Variants in SLC38A12 observed in about 807,000 individuals in gnomAD.
SLC38A12 encodes the protein solute carrier family 38 member 12.
chr17:74,785,220 A>G, the SLC38A12 span, among the ~76,000 whole-genome samples: 1 of 152,216 alleles, frequency 6.6e-6, no homozygotes, highest in Non-Finnish European at 1.5e-5. Flanking sequence ...GGGGACGGCA[A>G]TGATGACAGC....
At chr17:74,785,899 T>A in the SLC38A12 span, among the ~76,000 whole-genome samples, 3 of 152,216 alleles carry the variant, frequency 2.0e-5, no homozygotes, top group African/African-American at 4.8e-5. Flanking sequence ...CAGGTTTACC[T>A]CCCTGCTATT....
At chr17:74,777,848 A>G in the SLC38A12 span, 3 of 356,406 alleles carry the variant, frequency 8.4e-6, no homozygotes, top group South Asian at 6.2e-5. Flanking sequence ...CGGGAGGCGG[A>G]CGTTGCAGTG....
At chr17:74,839,459 G>A in the SLC38A12 span, 2 of 246,418 alleles carry the variant, frequency 8.1e-6, no homozygotes, top group East Asian at 9.4e-5. Flanking sequence ...CCATGGTTAA[G>A]GGCCACTGGA....
At chr17:74,789,261 G>A in the SLC38A12 span, among the ~76,000 whole-genome samples, 2 of 152,092 alleles carry the variant, frequency 1.3e-5, no homozygotes, top group African/African-American at 4.8e-5. Flanking sequence ...CCGGTGGGGG[G>A]GCTCACACCT....
chr17:74,800,474 G>A, the SLC38A12 span, among the ~76,000 whole-genome samples: 5 of 152,380 alleles, frequency 3.3e-5, no homozygotes, highest in Non-Finnish European at 5.9e-5. Flanking sequence ...TTCTTCTAGC[G>A]TCAGCCACTG....
At chr17:74,821,266 G>A in the SLC38A12 span, among the ~76,000 whole-genome samples, 2 of 152,344 alleles carry the variant, frequency 1.3e-5, no homozygotes, top group Non-Finnish European at 2.9e-5. Context: ...CACATCATCT[G>A]GGCCTAGCCC....
the SLC38A12 span, among the ~76,000 whole-genome samples, chr17:74,829,472 C>T: frequency 2.6e-5 from 4 of 152,046 alleles, no homozygotes; most frequent in Non-Finnish European, 4.4e-5. This position sits in a 1 kb window ranked among gnomAD's most constrained non-coding sequence, Gnocchi z 4.1. Flanking sequence ...TCAGGAGCCT[C>T]GGCCTCGTGT....
chr17:74,817,505 A>G, the SLC38A12 span, among the ~76,000 whole-genome samples: 2 of 152,270 alleles, frequency 1.3e-5, no homozygotes, highest in East Asian at 3.9e-4. Flanking sequence ...CGACTCCTCT[A>G]GATTCATATT....
At chr17:74,818,247 C>T in the SLC38A12 span, among the ~76,000 whole-genome samples, 8 of 152,148 alleles carry the variant, frequency 5.3e-5, no homozygotes, top group African/African-American at 1.9e-4. Flanking sequence ...TTCCCCTGCC[C>T]AGCCCCATCC....
At chr17:74,806,388 G>A in the SLC38A12 span, among the ~76,000 whole-genome samples, 1 of 152,146 alleles carries the variant, frequency 6.6e-6, no homozygotes, top group African/African-American at 2.4e-5. Context: ...GGAGAATAAT[G>A]CCGTGCACCC....
chr17:74,802,303 TGA>T, the SLC38A12 span, among the ~76,000 whole-genome samples: 2 of 152,152 alleles, frequency 1.3e-5, no homozygotes, highest in Non-Finnish European at 2.9e-5. Context: ...ATGCGCCAGT[TGA>T]GAGGATGATG....
the SLC38A12 span, among the ~76,000 whole-genome samples, chr17:74,807,968 A>G: frequency 1.3e-5 from 2 of 152,274 alleles, no homozygotes; most frequent in African/African-American, 2.4e-5. Context: ...GCTGTCCTCT[A>G]TAAACCCTGA....
the SLC38A12 span, among the ~76,000 whole-genome samples, chr17:74,829,185 G>A: frequency 2.6e-5 from 4 of 151,958 alleles, no homozygotes; most frequent in South Asian, 2.1e-4. The surrounding 1 kb of genome is among the most constrained non-coding windows in gnomAD (Gnocchi z 4.1). Flanking sequence ...GTGCAGTGGC[G>A]CGATCTCAGC....
At chr17:74,801,734 A>C in the SLC38A12 span, among the ~76,000 whole-genome samples, 1 of 152,180 alleles carries the variant, frequency 6.6e-6, no homozygotes, top group Non-Finnish European at 1.5e-5. Flanking sequence ...TCAAAGGATT[A>C]GCTTGTCTCT....
At chr17:74,800,114 G>GT in the SLC38A12 span, among the ~76,000 whole-genome samples, 3 of 152,250 alleles carry the variant, frequency 2.0e-5, no homozygotes, top group African/African-American at 7.2e-5. Context: ...TCTCAGCTCT[G>GT]TCCTGCCCTG....
chr17:74,806,834 A>G, the SLC38A12 span, among the ~76,000 whole-genome samples: 24 of 151,776 alleles, frequency 1.6e-4, no homozygotes, highest in African/African-American at 5.8e-4. Flanking sequence ...CCTTTTAAAA[A>G]CCTCATCATG....
the SLC38A12 span, chr17:74,794,964 G>A: frequency 6.9e-7 from 1 of 1,451,540 alleles, no homozygotes; most frequent in African/African-American, 1.4e-5. Context: ...AAAAAAACAT[G>A]CAGACATCTC....
the SLC38A12 span, among the ~76,000 whole-genome samples, chr17:74,778,754 T>C: frequency 6.8e-6 from 1 of 147,438 alleles, no homozygotes. Context: ...GTTCAACCTC[T>C]GCCTCCCAGG....
the SLC38A12 span, chr17:74,791,018 T>A: frequency 2.5e-6 from 4 of 1,613,910 alleles, no homozygotes; most frequent in East Asian, 8.9e-5. Context: ...ACAAATGGCC[T>A]CCATGTTCTT....
Sources: allele counts gnomAD v4.1 joint callset (sites outside exome capture counted in the v4.1 genomes callset), GRCh38; gene constraint gnomAD v4.1.1; non-coding constraint Gnocchi (gnomAD v3.1); transcripts MANE v1.5; gene names NCBI Gene and HGNC (gene_info 2026-07-23, HGNC 2026-07-21).